The following ADGRL2 variants were observed in gnomAD, a reference collection of about 807,000 sequenced individuals.
ADGRL2 encodes the protein adhesion G protein-coupled receptor L2.
Under a neutral mutation model 157.4 loss-of-function variants are expected in ADGRL2, and 44 were observed. The ratio of observed to expected loss-of-function variants is 0.28; its 90% confidence interval spans 0.22 to 0.36. The LOEUF (loss-of-function observed/expected upper bound fraction) is 0.36, where lower values mean the gene tolerates loss of function less well. ADGRL2 is among the 10% of genes least tolerant of loss of function. The pLI, the probability that ADGRL2 is intolerant of heterozygous loss-of-function variation, is 1.00. For synonymous variants in ADGRL2, 585 were observed against 624.7 expected, an observed-to-expected ratio of 0.94 and a Z score of 0.95; for missense variants, 1,510 against 1,768.9, an observed-to-expected ratio of 0.85 and a Z score of 2.63.
chr1:81,725,443 G>A (rs1483974437), intron 1 of ADGRL2, among the ~76,000 whole-genome samples: 1 of 151,996 alleles, frequency 6.6e-6, no homozygotes, highest in Non-Finnish European at 1.5e-5. Flanking sequence ...GGAGGGTGAG[G>A]CAGGAGAGTT....
At chr1:81,876,596 T>A (rs201666079) in intron 2 of ADGRL2, among the ~76,000 whole-genome samples, 1 of 38,128 alleles carries the variant, frequency 2.6e-5, no homozygotes, top group South Asian at 9.0e-4. Context: ...AATAAGTACT[T>A]GTTTAACTAG....
At chr1:81,639,595 A>T (rs1019563496) in intron 3 of ADGRL2, among the ~76,000 whole-genome samples, 28 of 147,312 alleles carry the variant, frequency 1.9e-4, no homozygotes, top group Admixed American at 1.8e-3. Context: ...AACATTAATC[A>T]AAAGAAAGCA....
chr1:81,791,066 CAAAA>C (rs11411906), intron 2 of ADGRL2, among the ~76,000 whole-genome samples: 2 of 37,462 alleles, frequency 5.3e-5, no homozygotes, highest in Non-Finnish European at 8.5e-5. Flanking sequence ...GACCCTATCT[CAAAA>C]AAAAAAAAAA....
chr1:81,352,480 TC>T (rs1662969148), intron 1 of ADGRL2, among the ~76,000 whole-genome samples: 1 of 152,192 alleles, frequency 6.6e-6, no homozygotes, highest in African/African-American at 2.4e-5. Flanking sequence ...AAGTCTTAGG[TC>T]AGGCAGTGTG....
chr1:81,613,497 A>G (rs1208595145), intron 3 of ADGRL2, among the ~76,000 whole-genome samples: 2 of 152,190 alleles, frequency 1.3e-5, no homozygotes, highest in Non-Finnish European at 2.9e-5. Flanking sequence ...GTTAGTAATA[A>G]GGTGGAATGC....
At chr1:81,908,530 A>G (rs2094635874) in intron 3 of ADGRL2, among the ~76,000 whole-genome samples, 1 of 152,218 alleles carries the variant, frequency 6.6e-6, no homozygotes, top group South Asian at 2.1e-4. Flanking sequence ...GGTTTTGTCA[A>G]TTATGGATAG....
chr1:81,621,968 T>A (rs2081800788), intron 3 of ADGRL2, among the ~76,000 whole-genome samples: 1 of 152,196 alleles, frequency 6.6e-6, no homozygotes, highest in Non-Finnish European at 1.5e-5. Context: ...CAATAATGAG[T>A]GGTTCCACCG....
At chr1:81,756,626 A>C (rs2085700061) in intron 1 of ADGRL2, among the ~76,000 whole-genome samples, 1 of 152,192 alleles carries the variant, frequency 6.6e-6, no homozygotes, top group African/African-American at 2.4e-5. Flanking sequence ...TTGTAGTTTG[A>C]AACAGATGAA....
At chr1:81,442,392 A>G (rs2077523675) in intron 1 of ADGRL2, among the ~76,000 whole-genome samples, 1 of 152,192 alleles carries the variant, frequency 6.6e-6, no homozygotes. Context: ...ACACAATAAA[A>G]TGTTCACCAT....
intron 3 of ADGRL2, among the ~76,000 whole-genome samples, chr1:81,685,134 A>G (rs202020625): frequency 1.3e-5 from 2 of 152,204 alleles, no homozygotes; most frequent in South Asian, 2.1e-4. Context: ...TTTTGGTTCC[A>G]TATGAATTTT....
intron 1 of ADGRL2, among the ~76,000 whole-genome samples, chr1:81,725,203 CA>C (rs71592739): frequency 0.016 from 1,237 of 77,282 alleles, 16 homozygotes; most frequent in African/African-American, 0.058. Context: ...GACCCCGTCT[CA>C]AAAAAAAAAA....
At chr1:81,482,740 T>C (rs1344216162) in intron 2 of ADGRL2, among the ~76,000 whole-genome samples, 1 of 152,004 alleles carries the variant, frequency 6.6e-6, no homozygotes, top group African/African-American at 2.4e-5. Context: ...TAAGATAATT[T>C]CTTCCTATAG....
chr1:81,327,550 C>G (rs967576260), intron 1 of ADGRL2, among the ~76,000 whole-genome samples: 4 of 152,104 alleles, frequency 2.6e-5, no homozygotes, highest in African/African-American at 9.7e-5. Context: ...TACACATTAG[C>G]CTTTATCATG....
At chr1:81,854,865 G>T (rs2093147970) in intron 2 of ADGRL2, among the ~76,000 whole-genome samples, 1 of 152,138 alleles carries the variant, frequency 6.6e-6, no homozygotes, top group Non-Finnish European at 1.5e-5. Context: ...TGTGCCGAAG[G>T]TGAGGGGTGA....
chr1:81,317,951 T>G (rs1660226517), intron 1 of ADGRL2, among the ~76,000 whole-genome samples: 1 of 152,154 alleles, frequency 6.6e-6, no homozygotes, highest in South Asian at 2.1e-4. Flanking sequence ...ATGATGACAT[T>G]CCGTGATTGT....
At chr1:81,604,475 G>T (rs2081393987) in intron 3 of ADGRL2, among the ~76,000 whole-genome samples, 1 of 152,134 alleles carries the variant, frequency 6.6e-6, no homozygotes, top group Non-Finnish European at 1.5e-5. Flanking sequence ...GTAAATATAA[G>T]ACCAAATCAA....
chr1:81,331,664 T>G (rs1661276685), intron 1 of ADGRL2, among the ~76,000 whole-genome samples: 1 of 152,128 alleles, frequency 6.6e-6, no homozygotes, highest in Non-Finnish European at 1.5e-5. Context: ...ATTATTGAAT[T>G]AAGAGGTACA....
At chr1:81,397,568 C>T (rs1419168920) in intron 1 of ADGRL2, among the ~76,000 whole-genome samples, 1 of 152,104 alleles carries the variant, frequency 6.6e-6, no homozygotes, top group Non-Finnish European at 1.5e-5. Context: ...ATCCACCCAC[C>T]TCGGCCTCCC....
intron 1 of ADGRL2, among the ~76,000 whole-genome samples, chr1:81,730,936 C>A (rs2084701749): frequency 2.0e-5 from 3 of 152,048 alleles, no homozygotes; most frequent in Admixed American, 2.0e-4. Flanking sequence ...TTATAGGATG[C>A]CATGTCTAAG....
Sources: gnomAD v4.1 joint callset for allele counts (sites outside exome capture counted in the v4.1 genomes callset) on GRCh38, gnomAD v4.1.1 for gene constraint, MANE v1.5 for transcripts, NCBI Gene and HGNC (gene_info 2026-07-23, HGNC 2026-07-21) for gene names.